WDFY3: variants seen among roughly 807,000 people sequenced by gnomAD.
WDFY3 encodes the protein WD repeat and FYVE domain-containing protein 3.
A neutral mutation model predicts 409.6 loss-of-function variants in WDFY3; 66 were observed. The ratio of observed to expected loss-of-function variants is 0.16; its 90% CI spans 0.13 to 0.20. WDFY3 has a LOEUF of 0.20. WDFY3 is among the 10% of genes least tolerant of loss of function. The probability of loss-of-function intolerance (pLI) is 1.00; values close to 1 mark genes in which losing one functional copy is unlikely to be tolerated. For synonymous variants in WDFY3, 1,521 were observed against 1,537.1 expected (o/e 0.99, Z 0.25); for missense variants, 3,031 against 4,298.1 (o/e 0.71, Z 8.24).
At chr4:84,953,516 CAT>C (rs1312643971) in intron 1 of WDFY3, among the ~76,000 whole-genome samples, 1 of 151,968 alleles carries the variant, frequency 6.6e-6, no homozygotes, top group Non-Finnish European at 1.5e-5. Context: ...TATGTTATCT[CAT>C]AACATCATGT....
intron 37 of WDFY3, among the ~76,000 whole-genome samples, chr4:84,743,141 C>T (rs894533): frequency 0.18 from 27,144 of 152,148 alleles, 4,228 homozygotes; most frequent in African/African-American, 0.42. Flanking sequence ...AAAAGTAGCA[C>T]ATATAGTATA....
intron 50 of WDFY3, among the ~76,000 whole-genome samples, chr4:84,714,547 AG>A (rs1228092804): frequency 6.6e-6 from 1 of 152,246 alleles, no homozygotes; most frequent in South Asian, 2.1e-4. Context: ...CCATGGCCAG[AG>A]AAAAGTCCCA....
At chr4:84,773,633 C>G (rs2149438588) in intron 29 of WDFY3, among the ~76,000 whole-genome samples, 1 of 152,314 alleles carries the variant, frequency 6.6e-6, no homozygotes, top group Non-Finnish European at 1.5e-5. Context: ...CTAGGAATTG[C>G]TTTAAATATA....
intron 5 of WDFY3, among the ~76,000 whole-genome samples, chr4:84,847,775 AAAAAAAAAAAAAACC>A (rs1335611814): frequency 7.7e-5 from 11 of 142,222 alleles, no homozygotes; most frequent in South Asian, 2.2e-4. Flanking sequence ...CTCCGTCCCA[AAAAAAAAAAAAAACC>A]AAAAAAAAAA....
At chr4:84,856,124 C>A (rs972401904) in intron 4 of WDFY3, among the ~76,000 whole-genome samples, 18 of 152,288 alleles carry the variant, frequency 1.2e-4, no homozygotes, top group Middle Eastern at 3.4e-3. Flanking sequence ...CACCTGTCTG[C>A]CTTCTGATCT....
chr4:84,762,177 G>T (rs372262887), intron 32 of WDFY3, among the ~76,000 whole-genome samples: 2 of 151,306 alleles, frequency 1.3e-5, no homozygotes, highest in Admixed American at 1.3e-4. Context: ...TGTTTATTGC[G>T]GCACTATTCA....
chr4:84,763,706 A>C (rs1743116460), intron 32 of WDFY3, among the ~76,000 whole-genome samples: 2 of 152,172 alleles, frequency 1.3e-5, no homozygotes, highest in South Asian at 2.1e-4. Flanking sequence ...TGTATGTGTC[A>C]GATAGATATT....
At position 84,773,838 on chromosome 4, in the gene WDFY3, AGCC is replaced by A. The variant is rs543797919; in HGVS notation, c.4755-912_4755-910del. The stretch of plus-strand genomic sequence containing the variant: ...CGGGTTCAAGTGATTCTCCTGCCTC[AGCC>A]TCCCAAGTAGCTGGGATTACAGGTG... On this transcript the variant is annotated intron_variant, in intron 29 of 67. Coordinates refer to ENST00000295888, the MANE Select transcript of WDFY3 (RefSeq NM_014991.6). Among the ~76,000 whole-genome samples the A allele has an allele frequency of 1.0e-3, 156 of 152,242 alleles. 2 individuals carry two copies. The highest frequency in any genetic ancestry group is 3.5e-3 in the African/African-American group (145 of 41,566).
chr4:84,956,908 T>C (rs912619091), intron 1 of WDFY3, among the ~76,000 whole-genome samples: 1 of 151,678 alleles, frequency 6.6e-6, no homozygotes, highest in Non-Finnish European at 1.5e-5. Context: ...CAATGACATA[T>C]TATTAAGCTA....
chr4:84,850,132 A>G (rs911008426), intron 4 of WDFY3, 107 bp from the exon 5 acceptor site: 4 of 1,206,816 alleles, frequency 3.3e-6, no homozygotes, highest in Non-Finnish European at 4.5e-6. Context: ...AGAAAAGTCT[A>G]CCTACACAGT....
chr4:84,778,110 C>A (rs901031222), intron 27 of WDFY3, among the ~76,000 whole-genome samples: 2 of 152,028 alleles, frequency 1.3e-5, no homozygotes, highest in South Asian at 4.1e-4. Context: ...AAAAGGTAGA[C>A]TATGAAATGT....
chr4:84,747,614 CCCA>C (rs1357660709), intron 36 of WDFY3, among the ~76,000 whole-genome samples: 1 of 152,012 alleles, frequency 6.6e-6, no homozygotes, highest in African/African-American at 2.4e-5. Flanking sequence ...TCCCATAATC[CCCA>C]CAAGTCATGA....
chr4:84,756,500 G>A (rs1449618929), intron 33 of WDFY3, among the ~76,000 whole-genome samples: 2 of 151,896 alleles, frequency 1.3e-5, no homozygotes, highest in Non-Finnish European at 2.9e-5. Context: ...TGGGAGAATC[G>A]CTTGAACCCG....
At chr4:84,938,886 A>G (rs969045397) in intron 1 of WDFY3, among the ~76,000 whole-genome samples, 1 of 152,102 alleles carries the variant, frequency 6.6e-6, no homozygotes. Flanking sequence ...TCTTCTTCCA[A>G]TGTGTGTTTC....
chr4:84,736,096 T>A (rs1423224268), intron 42 of WDFY3, 74 bp downstream of exon 42: 2 of 1,438,590 alleles, frequency 1.4e-6, no homozygotes, highest in Admixed American at 2.4e-5. Flanking sequence ...TCATTTCCAA[T>A]CAATTGCTTG....
rs573482704 is a variant in WDFY3, at chr4:84,757,713, G to A, written c.5189-552C>T. Among the ~76,000 whole-genome samples the A allele has an allele frequency of 9.9e-5, 15 of 152,088 alleles. No homozygotes were observed. In the East Asian group the frequency reaches 2.9e-3, roughly 29 times the overall value. On this transcript the variant is annotated intron_variant, in intron 32 of 67. Coordinates refer to ENST00000295888, the MANE Select transcript of WDFY3 (RefSeq NM_014991.6). ...CCCACCTCAGCCTCCTGAGTAGCTG[G>A]GACTACAGACATGAGCTACCACCCC...
Position 84,714,971 on chromosome 4 carries a change from G to A in WDFY3, c.7961+327C>T, listed in dbSNP as rs959024290. 1.2e-4 allele frequency among the ~76,000 whole-genome samples: 18 copies of A among 149,720 alleles called. No individual in the cohort carries two copies. In the East Asian group the frequency reaches 2.0e-3, roughly 16 times the overall value. ...TCTCAAAAAAAAAAAAAAAGAAGAAGAAAAAAAGAAACTAAAGTTTTATTT... is the reference window on the plus strand; with the variant it reads ...TCTCAAAAAAAAAAAAAAAGAAGAAAAAAAAAAGAAACTAAAGTTTTATTT... On this transcript the variant is annotated intron_variant, in intron 50 of 67. Transcript: ENST00000295888.
Position 84,733,450 on chromosome 4 carries a change from C to T in WDFY3, c.7153G>A (p.Val2385Met), listed in dbSNP as rs1350946271. 1 of 1,614,068 alleles carries T rather than the reference C, an allele frequency of 6.2e-7. No individual in the cohort carries two copies. Among genetic ancestry groups the T allele is most frequent in the South Asian group, 1.1e-5 (1 of 91,082 alleles). The change falls in exon 44 of 68, where the codon GTG becomes ATG. Residue 2385 changes from valine (V) to methionine (M), a missense_variant. Physicochemically the swap from Val to Met is conservative, Grantham distance 21. Transcript: ENST00000295888. ...EGPCRMRKKM[V>M]RNDMFYNHYP... ...TGGTTATAAAACATATCATTTCGCA[C>T]CATCTTTTTCCTCATCCTGCAGGGC...
At position 84,679,092 on chromosome 4, in the gene WDFY3, T is replaced by G. The variant is rs1726870825; in HGVS notation, c.9974A>C (p.Asp3325Ala). The G allele has an allele frequency of 6.2e-7, 1 of 1,614,196 alleles. No homozygotes were observed. Among genetic ancestry groups the G allele is most frequent in the Non-Finnish European group, 8.5e-7 (1 of 1,180,036 alleles). ...SCRATAAWCTDSGSDDSRRWS... is the reference protein window; with the variant it reads ...SCRATAAWCTASGSDDSRRWS... Reference sequence around the variant, plus strand: ...GCGTCTGGAGTCGTCAGAGCCACTGTCAGTACACCAGGCGGCTGTTGCGCG... The same window carrying G: ...GCGTCTGGAGTCGTCAGAGCCACTGGCAGTACACCAGGCGGCTGTTGCGCG... Residue 3325 changes from aspartate to alanine, a missense_variant, in exon 65 of 68, where the codon GAC becomes GCC. By Grantham distance (126) the Asp-to-Ala change is moderately radical (BLOSUM62 -2). Coordinates refer to ENST00000295888, the MANE Select transcript of WDFY3 (RefSeq NM_014991.6).
Sources: allele counts gnomAD v4.1 joint callset (sites outside exome capture counted in the v4.1 genomes callset), GRCh38; gene constraint gnomAD v4.1.1; transcripts MANE v1.5; gene names NCBI Gene and HGNC (gene_info 2026-07-23, HGNC 2026-07-21).